Variants in TMC3 observed in about 807,000 individuals in gnomAD.
TMC3 encodes the protein transmembrane channel-like protein 3.
In TMC3, 98 loss-of-function variants were observed where a neutral mutation model predicts 110.6. That is an observed-to-expected ratio of 0.89 (90% CI 0.75 to 1.05). The LOEUF is 1.05. Among genes scored for constraint, TMC3 ranks in the 50% least tolerant of loss-of-function variants. The pLI is 0.00. For missense variants in TMC3, 1,319 were observed against 1,373.2 expected (o/e 0.96, Z 0.62); for synonymous variants, 489 against 513.1 (o/e 0.95, Z 0.63).
chr15:81,357,314 T>TA (rs879642946), intron 7 of TMC3, among the ~76,000 whole-genome samples: 1 of 151,980 alleles, frequency 6.6e-6, no homozygotes, highest in Non-Finnish European at 1.5e-5. Context: ...TGTCTTTTTT[T>TA]ACCCCAAGTG....
In TMC3 at chr15:81,344,676, A is replaced by G. The variant is rs373280151; in HGVS notation, c.1518+90T>C. On this transcript the variant is annotated intron_variant, in intron 13 of 21. Coordinates refer to ENST00000359440, the MANE Select transcript of TMC3 (RefSeq NM_001080532.3). ...ACCTCACTGAACTTTTCTTTTTTCTATAACATAGGGGCAGTGACAGCTCAG... is the reference window on the plus strand; with the variant it reads ...ACCTCACTGAACTTTTCTTTTTTCTGTAACATAGGGGCAGTGACAGCTCAG... 3,954 of 1,313,538 alleles carry G rather than the reference A, an allele frequency of 3.0e-3. 13 individuals carry two copies. The highest frequency in any genetic ancestry group is 3.8e-3 in the Non-Finnish European group (3,581 of 949,644). The allele number at this position is 1,313,538 out of a possible 1,614,324, so 81.4% of individuals were successfully genotyped here.
chr15:81,356,868 AC>A (rs919002882), intron 7 of TMC3, among the ~76,000 whole-genome samples: 1 of 152,214 alleles, frequency 6.6e-6, no homozygotes, highest in African/African-American at 2.4e-5. Flanking sequence ...CCAGCAGGTC[AC>A]TGCAGGTGTG....
chr15:81,348,843 CT>C (rs758619131), intron 11 of TMC3, among the ~76,000 whole-genome samples: 1 of 152,130 alleles, frequency 6.6e-6, no homozygotes. Flanking sequence ...TGGAGTTTCG[CT>C]TTTGTTGCCC....
Position 81,355,747 on chromosome 15 carries a change from C to T in TMC3, c.913G>A (p.Glu305Lys). 1 of 1,595,464 alleles carries T rather than the reference C, an allele frequency of 6.3e-7. No homozygotes were observed. Among genetic ancestry groups the T allele is most frequent in the Non-Finnish European group, 8.6e-7 (1 of 1,166,478 alleles). ...TACAGGTTTTTGCTTTTCTTTTTCT[C>T]CTGTTCTTCCAATATAGCTTCCTTT... is the stretch of plus-strand genomic sequence containing the variant. ...SIREAILEEQ[E>K]KKKSKNLAVT... The change falls in exon 9 of 22, where the codon GAG becomes AAG. Residue 305 changes from glutamate (E) to lysine (K), a missense_variant. Glu to Lys is a moderately conservative substitution (Grantham distance 56). Coordinates refer to ENST00000359440, the MANE Select transcript of TMC3 (RefSeq NM_001080532.3).
At position 81,346,445 on chromosome 15, in the gene TMC3, T is replaced by G. The variant is rs751402912; in HGVS notation, c.1194-2A>C. On this transcript the variant is annotated splice_acceptor_variant, in intron 11 of 21. Coordinates refer to ENST00000359440, the MANE Select transcript of TMC3 (RefSeq NM_001080532.3). LOFTEE classifies it high-confidence loss of function. Reference sequence around the variant, plus strand: ...TTTCCCAAATACAGCACAAGGACCCTGAAAGCCACAAGCCCACCTTGAGAA... The same window carrying G: ...TTTCCCAAATACAGCACAAGGACCCGGAAAGCCACAAGCCCACCTTGAGAA... 2.5e-6 allele frequency: 4 copies of G among 1,612,956 alleles called. No homozygotes were observed. The South Asian group carries it at 4.4e-5, about 18-fold the overall frequency.
At chr15:81,345,447 G>A (rs1020675461) in intron 12 of TMC3, among the ~76,000 whole-genome samples, 2 of 152,128 alleles carry the variant, frequency 1.3e-5, no homozygotes, top group African/African-American at 2.4e-5. Context: ...CTGTGGCCTC[G>A]TCTGCCTATA....
chr15:81,369,767 AT>A (rs1174542614), intron 2 of TMC3, among the ~76,000 whole-genome samples: 1 of 151,872 alleles, frequency 6.6e-6, no homozygotes, highest in Non-Finnish European at 1.5e-5. Context: ...CTACAAAAAT[AT>A]TAAAAAAATT....
At position 81,333,069 on chromosome 15, in the gene TMC3, G is replaced by A. The variant is rs1206130622; in HGVS notation, c.2653C>T (p.Pro885Ser). The A allele has an allele frequency of 6.2e-7, 1 of 1,613,782 alleles. No individual in the cohort carries two copies. The highest frequency in any genetic ancestry group is 8.5e-7 in the Non-Finnish European group (1 of 1,179,800). ...LLAQGPRPHA[P>S]RYYVINECDS... is the part of the protein sequence containing the mutation. ...CATTCATTAATGACATAGTATCTGG[G>A]GGCGTGGGGCCTGGGACCCTGTGCC... The change falls in exon 22 of 22, where the codon CCC (proline) becomes TCC (serine). Residue 885 changes from proline to serine, a missense_variant. Coordinates refer to ENST00000359440, the MANE Select transcript of TMC3 (RefSeq NM_001080532.3).
chr15:81,349,618 G>T, intron 10 of TMC3, 51 bp from the exon 11 acceptor site: 1 of 1,131,212 alleles, frequency 8.8e-7, no homozygotes, highest in Non-Finnish European at 1.2e-6. Flanking sequence ...CCCCCCACCA[G>T]CCCTCACCAT....
Position 81,332,674 on chromosome 15 carries a change from G to A in TMC3, c.3048C>T (p.Ser1016=). 1 of 1,613,990 alleles carries A rather than the reference G, an allele frequency of 6.2e-7. No individual in the cohort carries two copies. The highest frequency in any genetic ancestry group is 1.1e-5 in the South Asian group (1 of 91,080). ...GGGGCTGTGGGTATTGGAAATTCCG[G>A]GATCGTGGCTTTCTGGGCACATAGG... ...RPAYVPRKPR[S]RNFQYPQPPL... Residue 1016 remains serine, a synonymous_variant, in exon 22 of 22, where the codon TCC becomes TCT. Transcript: ENST00000359440.
intron 3 of TMC3, among the ~76,000 whole-genome samples, chr15:81,364,256 T>C (rs938440152): frequency 2.0e-5 from 3 of 152,006 alleles, no homozygotes; most frequent in Non-Finnish European, 4.4e-5. Context: ...AAGATGCTCA[T>C]TCTGGGAATA....
chr15:81,365,953 T>C (rs1894306892), intron 3 of TMC3, among the ~76,000 whole-genome samples: 1 of 152,214 alleles, frequency 6.6e-6, no homozygotes, highest in Non-Finnish European at 1.5e-5. Context: ...TGTTGTTAGA[T>C]ATGTGATACA....
intron 8 of TMC3, among the ~76,000 whole-genome samples, chr15:81,356,038 C>T (rs1894053647): frequency 6.6e-6 from 1 of 151,938 alleles, no homozygotes; most frequent in South Asian, 2.1e-4. Flanking sequence ...ATTTAGCTGT[C>T]TGTATAGTTC....
At position 81,336,438 on chromosome 15, in the gene TMC3, C is replaced by T. The variant is rs376010664; in HGVS notation, c.2203+171G>A. ...TAAAAATTAGCCAGGTGTGATGGCA[C>T]GCACCTGTAATCCCAGCTACTCAGG... is the stretch of plus-strand genomic sequence containing the variant. On this transcript the variant is annotated intron_variant, in intron 20 of 21. Coordinates refer to ENST00000359440, the MANE Select transcript of TMC3 (RefSeq NM_001080532.3). 1.4e-4 allele frequency among the ~76,000 whole-genome samples: 22 copies of T among 152,094 alleles called. No individual in the cohort carries two copies. In the East Asian group the frequency reaches 3.9e-3, roughly 27 times the overall value.
At chr15:81,357,790 A>G (rs1894098041) in intron 7 of TMC3, among the ~76,000 whole-genome samples, 1 of 152,214 alleles carries the variant, frequency 6.6e-6, no homozygotes, top group Non-Finnish European at 1.5e-5. Context: ...TGTCCCTATT[A>G]GTGCAGCTAC....
At position 81,349,371 on chromosome 15, in the gene TMC3, G is replaced by T. The variant is rs950798440; in HGVS notation, c.1193+87C>A. 8 of 749,108 alleles carry T rather than the reference G, an allele frequency of 1.1e-5. No individual in the cohort carries two copies. In the Admixed American group the frequency reaches 1.7e-4, roughly 16 times the overall value. 46.4% of individuals were successfully genotyped at this position (749,108 alleles called of 1,614,324 possible). Reference sequence around the variant, plus strand: ...TGATTGTCTGAGAGAAAAGAAGCAAGCCCTGGCTCTTGAGGCACTTACATT... The same window carrying T: ...TGATTGTCTGAGAGAAAAGAAGCAATCCCTGGCTCTTGAGGCACTTACATT... On this transcript the variant is annotated intron_variant, in intron 11 of 21. Transcript: ENST00000359440.
chr15:81,371,940 AAAG>A (rs1399821905), intron 2 of TMC3, among the ~76,000 whole-genome samples: 2 of 152,198 alleles, frequency 1.3e-5, no homozygotes, highest in African/African-American at 4.8e-5. Flanking sequence ...TTAAAAAAGA[AAAG>A]AACTGGTATT....
chr15:81,344,630 T>G, intron 13 of TMC3, 136 bp downstream of exon 13: 1 of 919,724 alleles, frequency 1.1e-6, no homozygotes, highest in South Asian at 1.8e-5. Flanking sequence ...TTTTTTAATT[T>G]TGAGGCTTGG....
Position 81,343,967 on chromosome 15 carries a change from A to G in TMC3, c.1597T>C (p.Phe533Leu), listed in dbSNP as rs1456251000. Residue 533 changes from phenylalanine (F) to leucine (L), a missense_variant, in exon 14 of 22, where the codon TTC (phenylalanine) becomes CTC (leucine). Transcript: ENST00000359440. ...ILLIDFFRGL[F>L]VRYLSDYWCW... The stretch of plus-strand genomic sequence containing the variant: ...CAGTAGTCACTTAAGTACCGCACGA[A>G]AAGTCCTCGGAAGAAGTCTATGAGC... The G allele has an allele frequency of 1.2e-6, 2 of 1,613,368 alleles. No homozygotes were observed. The highest frequency in any genetic ancestry group is 3.3e-5 in the Admixed American group (2 of 60,010).
Sources: allele counts gnomAD v4.1 joint callset (sites outside exome capture counted in the v4.1 genomes callset), GRCh38; gene constraint gnomAD v4.1.1; transcripts MANE v1.5; gene names NCBI Gene and HGNC (gene_info 2026-07-23, HGNC 2026-07-21).